Variants in DNAH7 observed in about 807,000 individuals in gnomAD.
DNAH7 encodes dynein axonemal heavy chain 7.
DNAH7 carries 397 observed loss-of-function variants against 444.6 expected under a neutral mutation model. The ratio of observed to expected loss-of-function variants is 0.89; its 90% CI spans 0.82 to 0.97. The LOEUF (loss-of-function observed/expected upper bound fraction) is 0.97, where lower values mean the gene tolerates loss of function less well. DNAH7 is among the 50% of genes least tolerant of loss of function. The probability of loss-of-function intolerance (pLI) is 0.00; values close to 1 mark genes in which losing one functional copy is unlikely to be tolerated. For missense variants in DNAH7, 4,902 were observed against 4,800.8 expected, an observed-to-expected ratio of 1.02 and a Z score of -0.62; for synonymous variants, 1,636 against 1,624.4, an observed-to-expected ratio of 1.01 and a Z score of -0.17.
chr2:195,986,185 T>C (rs1455795131), intron 14 of DNAH7, among the ~76,000 whole-genome samples: 2 of 152,214 alleles, frequency 1.3e-5, no homozygotes, highest in Non-Finnish European at 2.9e-5. Context: ...CTCTCTGTTC[T>C]ACCTTGTGGC....
rs755877605 is a variant in DNAH7, at chr2:195,891,817, A to G, written c.4897-13T>C. ...CTTCCATTAGCCCCTTAATGAAAAA[A>G]AAAAACATTTATTTATGTAAAGAAT... is the stretch of plus-strand genomic sequence containing the variant. On this transcript the variant is annotated splice_polypyrimidine_tract_variant and intron_variant, in intron 30 of 64. Coordinates refer to ENST00000312428, the MANE Select transcript of DNAH7 (RefSeq NM_018897.3). 12 of 1,564,676 alleles carry G rather than the reference A, an allele frequency of 7.7e-6. No individual in the cohort carries two copies. Among genetic ancestry groups the G allele is most frequent in the Non-Finnish European group, 1.0e-5 (12 of 1,156,522 alleles).
chr2:195,747,365 G>T (rs991042724), intron 63 of DNAH7, among the ~76,000 whole-genome samples: 1 of 152,248 alleles, frequency 6.6e-6, no homozygotes, highest in Non-Finnish European at 1.5e-5. Context: ...CAACCAAAAA[G>T]AGTCCAGGAC....
chr2:195,948,058 T>C (rs1437672327), intron 19 of DNAH7, among the ~76,000 whole-genome samples: 1 of 152,210 alleles, frequency 6.6e-6, no homozygotes, highest in Non-Finnish European at 1.5e-5. Context: ...TAATGAGCTT[T>C]TTTTCATAGG....
rs1697250815 is a variant in DNAH7, at chr2:195,816,946, T to C, written c.9443A>G (p.Glu3148Gly). 2.5e-6 allele frequency: 4 copies of C among 1,592,464 alleles called. No homozygotes were observed. Among genetic ancestry groups the C allele is most frequent in the Non-Finnish European group, 1.7e-6 (2 of 1,171,432 alleles). Reference protein sequence around the residue: ...AENKRQLKEIEDKILEVLSSS... With the variant: ...AENKRQLKEIGDKILEVLSSS... Reference sequence around the variant, plus strand: ...TGAAAGAACTTCTAAAATCTTGTCTTCTATTTCTTTTAACTGCCTGGAATA... The same window carrying C: ...TGAAAGAACTTCTAAAATCTTGTCTCCTATTTCTTTTAACTGCCTGGAATA... Residue 3148 changes from glutamate to glycine, a missense_variant, in exon 51 of 65, where the codon GAA becomes GGA. Physicochemically the swap from Glu to Gly is moderately conservative, Grantham distance 98 (BLOSUM62 -2). Transcript: ENST00000312428.
chr2:195,971,499 A>T (rs1480857350), intron 16 of DNAH7, among the ~76,000 whole-genome samples: 1 of 152,192 alleles, frequency 6.6e-6, no homozygotes, highest in Non-Finnish European at 1.5e-5. Context: ...TCAAAGTGAG[A>T]GCACAGGAGA....
chr2:195,913,897 G>A (rs1368518867), intron 24 of DNAH7, among the ~76,000 whole-genome samples: 1 of 152,154 alleles, frequency 6.6e-6, no homozygotes, highest in Non-Finnish European at 1.5e-5. Context: ...TGTATTTTTA[G>A]TAGAAACGGG....
intron 57 of DNAH7, among the ~76,000 whole-genome samples, chr2:195,790,322 T>G (rs1271022850): frequency 6.6e-6 from 1 of 151,946 alleles, no homozygotes; most frequent in Non-Finnish European, 1.5e-5. Flanking sequence ...TAGAAAAAAT[T>G]AATTCTACAA....
chr2:195,923,815 A>G lies in DNAH7; in HGVS notation c.3613-8T>C. 1 of 1,611,942 alleles carries G rather than the reference A, an allele frequency of 6.2e-7. No individual in the cohort carries two copies. The highest frequency in any genetic ancestry group is 8.5e-7 in the Non-Finnish European group (1 of 1,178,154). On this transcript the variant is annotated splice_polypyrimidine_tract_variant and splice_region_variant and intron_variant, in intron 22 of 64. Coordinates refer to ENST00000312428, the MANE Select transcript of DNAH7 (RefSeq NM_018897.3). ...CAAGTATTGCTCAAGAGCCTGAAAG[A>G]AAAGAAAATAAGATATGATTTCCCA...
intron 51 of DNAH7, among the ~76,000 whole-genome samples, chr2:195,814,723 C>T (rs1173276978): frequency 2.0e-5 from 3 of 151,954 alleles, no homozygotes; most frequent in African/African-American, 4.8e-5. Flanking sequence ...TTAGCACTGT[C>T]GTAACTACTG....
chr2:195,806,680 A>G (rs1696727856), intron 54 of DNAH7, 60 bp downstream of exon 54: 1 of 1,432,826 alleles, frequency 7.0e-7, no homozygotes, highest in Non-Finnish European at 9.7e-7. Context: ...GCACATTTGG[A>G]TGGACTGAGC....
chr2:195,881,385 C>T (rs896643610), intron 36 of DNAH7, among the ~76,000 whole-genome samples: 2 of 152,106 alleles, frequency 1.3e-5, no homozygotes, highest in Non-Finnish European at 2.9e-5. Context: ...TAACTAACAG[C>T]CAATTCCAGA....
In DNAH7 at chr2:195,922,068, C is replaced by A; in HGVS notation, c.3935+20G>T. 1 of 1,396,756 alleles carries A rather than the reference C, an allele frequency of 7.2e-7. No individual in the cohort carries two copies. Among genetic ancestry groups the A allele is most frequent in the Non-Finnish European group, 1.0e-6 (1 of 983,628 alleles). 86.5% of individuals were successfully genotyped at this position (1,396,756 alleles called of 1,614,324 possible). ...TGAGTGAAAGTTATTTCCAATAGAT[C>A]CTTAAATTAAAGGGTTTACCTGTAA... On this transcript the variant is annotated intron_variant, in intron 24 of 64. Transcript: ENST00000312428.
At chr2:195,999,548 G>A (rs1381364675) in intron 12 of DNAH7, among the ~76,000 whole-genome samples, 1 of 152,126 alleles carries the variant, frequency 6.6e-6, no homozygotes, top group Admixed American at 6.5e-5. Context: ...GCAGGAGTCA[G>A]CAAACAGCAG....
intron 21 of DNAH7, among the ~76,000 whole-genome samples, chr2:195,933,706 A>G (rs1413191267): frequency 7.0e-6 from 1 of 141,938 alleles, no homozygotes. Context: ...CAATGAGAAC[A>G]CATGGACACA....
chr2:195,982,734 TG>T (rs1692656806), intron 15 of DNAH7, among the ~76,000 whole-genome samples: 1 of 152,214 alleles, frequency 6.6e-6, no homozygotes, highest in South Asian at 2.1e-4. Context: ...AGACAAACTT[TG>T]CATGTTCACA....
chr2:195,984,930 C>G (rs1692807849), intron 14 of DNAH7, among the ~76,000 whole-genome samples: 1 of 152,088 alleles, frequency 6.6e-6, no homozygotes, highest in South Asian at 2.1e-4. Flanking sequence ...GACAGTGACA[C>G]ATAAATGAAT....
At chr2:195,839,847 A>G (rs896522812) in intron 47 of DNAH7, among the ~76,000 whole-genome samples, 1 of 151,846 alleles carries the variant, frequency 6.6e-6, no homozygotes, top group Non-Finnish European at 1.5e-5. Context: ...ACCTGTTACT[A>G]TTTCAAAAAT....
At chr2:195,991,499 T>TA (rs531336738) in intron 12 of DNAH7, among the ~76,000 whole-genome samples, 70 of 152,306 alleles carry the variant, frequency 4.6e-4, no homozygotes, top group Non-Finnish European at 9.0e-4. Flanking sequence ...ATAACACTTT[T>TA]AAAAAATTAC....
intron 63 of DNAH7, among the ~76,000 whole-genome samples, chr2:195,746,294 C>G (rs995233323): frequency 1.7e-4 from 26 of 152,032 alleles, no homozygotes; most frequent in Middle Eastern, 3.2e-3. Context: ...ACAAGAAGAG[C>G]TAACTATCCT....
Sources: gnomAD v4.1 joint callset for allele counts (sites outside exome capture counted in the v4.1 genomes callset) on GRCh38, gnomAD v4.1.1 for gene constraint, MANE v1.5 for transcripts, NCBI Gene and HGNC (gene_info 2026-07-23, HGNC 2026-07-21) for gene names.